Variants in IQGAP2 observed in about 807,000 individuals in gnomAD.
IQGAP2 encodes the protein ras GTPase-activating-like protein IQGAP2.
A neutral mutation model predicts 201.3 loss-of-function variants in IQGAP2; 173 were observed. The ratio of observed to expected loss-of-function variants is 0.86; its 90% CI spans 0.76 to 0.98. IQGAP2 has a LOEUF of 0.98. Among genes scored for constraint, IQGAP2 ranks in the 50% least tolerant of loss-of-function variants. The pLI, the probability that IQGAP2 is intolerant of heterozygous loss-of-function variation, is 0.00. For missense variants in IQGAP2, 1,687 were observed against 1,864.8 expected (o/e 0.90, Z 1.76); for synonymous variants, 675 against 673.9 (o/e 1.00, Z -0.03).
At position 76,611,042 on chromosome 5, in the gene IQGAP2, C is replaced by T. The variant is rs1178618413; in HGVS notation, c.1380C>T (p.Ile460=). ...ENDRVVAVGY[I]NEAIDEGNPL... ...TAGGAGTTGTAGCTGTAGGGTACATCAATGAAGCTATTGATGAAGGGAATC... is the reference window on the plus strand; with the variant it reads ...TAGGAGTTGTAGCTGTAGGGTACATTAATGAAGCTATTGATGAAGGGAATC... Residue 460 remains isoleucine (I), a synonymous_variant, in exon 13 of 36, where the codon ATC becomes ATT. Transcript: ENST00000274364. The T allele has an allele frequency of 6.2e-7, 1 of 1,613,240 alleles. No individual in the cohort carries two copies. Among genetic ancestry groups the T allele is most frequent in the African/African-American group, 1.3e-5 (1 of 74,862 alleles).
At chr5:76,547,117 C>G (rs1432345062) in intron 2 of IQGAP2, among the ~76,000 whole-genome samples, 1 of 152,150 alleles carries the variant, frequency 6.6e-6, no homozygotes, top group Non-Finnish European at 1.5e-5. Context: ...TTTCACTGTG[C>G]TATTACTTCA....
At chr5:76,531,671 T>C (rs1416545314) in intron 2 of IQGAP2, among the ~76,000 whole-genome samples, 1 of 152,232 alleles carries the variant, frequency 6.6e-6, no homozygotes, top group South Asian at 2.1e-4. Flanking sequence ...TAAAAAGAAG[T>C]GCATTTAATT....
chr5:76,567,401 G>A (rs968159807), intron 3 of IQGAP2, among the ~76,000 whole-genome samples: 4 of 152,178 alleles, frequency 2.6e-5, no homozygotes, highest in South Asian at 4.1e-4. Context: ...TCAGAAACTC[G>A]AAACGCTTCT....
chr5:76,410,353 G>C (rs1431365250), intron 1 of IQGAP2, among the ~76,000 whole-genome samples: 2 of 152,168 alleles, frequency 1.3e-5, no homozygotes, highest in Admixed American at 6.5e-5. Context: ...CCTGAGGAGA[G>C]TCACCTGATG....
At chr5:76,693,560 A>G in intron 31 of IQGAP2, 118 bp downstream of exon 31, 3 of 674,806 alleles carry the variant, frequency 4.4e-6, no homozygotes, top group Non-Finnish European at 7.7e-6. Context: ...GGAAGTAAGG[A>G]ATTTTATCTA....
At chr5:76,681,693 A>G (rs1256332568) in intron 28 of IQGAP2, among the ~76,000 whole-genome samples, 1 of 152,148 alleles carries the variant, frequency 6.6e-6, no homozygotes, top group Non-Finnish European at 1.5e-5. Flanking sequence ...GGCACGATCA[A>G]TTAAAAAAAA....
At position 76,677,236 on chromosome 5, in the gene IQGAP2, A is replaced by G. The variant is rs764466065; in HGVS notation, c.3546A>G (p.Ala1182=). Residue 1182 remains alanine, a synonymous_variant, in exon 28 of 36, where the codon GCA becomes GCG. Coordinates refer to ENST00000274364, the MANE Select transcript of IQGAP2 (RefSeq NM_006633.5). The stretch of plus-strand genomic sequence containing the variant: ...TTATTAGGAAATATTTCAAAGAAGC[A>G]TGTAATGTCCCTGAGCCAGAAGAGA... ...YQEFRKYFKE[A]CNVPEPEEKF... 4.8e-5 allele frequency: 78 copies of G among 1,613,374 alleles called. No homozygotes were observed. Among genetic ancestry groups the G allele is most frequent in the Non-Finnish European group, 6.0e-5 (71 of 1,179,604 alleles).
intron 1 of IQGAP2, among the ~76,000 whole-genome samples, chr5:76,432,627 G>A (rs374188752): frequency 5.3e-5 from 8 of 152,336 alleles, no homozygotes; most frequent in African/African-American, 1.9e-4. Context: ...TTAAATTAGT[G>A]TCAGACAAGA....
intron 13 of IQGAP2, chr5:76,618,278 A>T (rs754602911): frequency 4.9e-5 from 79 of 1,614,124 alleles, no homozygotes; most frequent in Non-Finnish European, 6.6e-5. Context: ...GCAATGTAAC[A>T]CAAAAAAGAA....
At chr5:76,522,209 G>A (rs1313650193) in intron 2 of IQGAP2, among the ~76,000 whole-genome samples, 1 of 149,656 alleles carries the variant, frequency 6.7e-6, no homozygotes, top group Admixed American at 6.6e-5. Context: ...TAAAGGCGGA[G>A]TGTTTCTCTG....
intron 25 of IQGAP2, 56 bp downstream of exon 25, chr5:76,673,645 G>A (rs867185146): frequency 1.7e-5 from 27 of 1,572,560 alleles, no homozygotes; most frequent in East Asian, 2.2e-5. Context: ...CTTGGAATAC[G>A]ATGTAAAATA....
At chr5:76,420,483 C>T (rs1751670800) in intron 1 of IQGAP2, among the ~76,000 whole-genome samples, 1 of 150,506 alleles carries the variant, frequency 6.6e-6, no homozygotes, top group Admixed American at 6.7e-5. Flanking sequence ...TCAAGTGATT[C>T]TCCTGCCTCA....
At chr5:76,494,215 G>T (rs756132109) in intron 2 of IQGAP2, among the ~76,000 whole-genome samples, 9 of 152,104 alleles carry the variant, frequency 5.9e-5, no homozygotes, top group Non-Finnish European at 1.0e-4. Flanking sequence ...TTCAAATGAC[G>T]TATTTTCTCT....
intron 15 of IQGAP2, among the ~76,000 whole-genome samples, chr5:76,635,759 G>T (rs1445525974): frequency 7.0e-6 from 1 of 143,512 alleles, no homozygotes; most frequent in African/African-American, 2.6e-5. Flanking sequence ...GCCTGGGGAG[G>T]TTGAGGCTGC....
chr5:76,471,516 C>T (rs1246082409), intron 2 of IQGAP2, among the ~76,000 whole-genome samples: 3 of 152,064 alleles, frequency 2.0e-5, no homozygotes, highest in African/African-American at 7.2e-5. Flanking sequence ...AAACAAAACA[C>T]GGGTGTGATT....
chr5:76,570,603 C>T lies in IQGAP2; in HGVS notation c.327C>T (p.His109=). ...AGAAGTCTGGCCTTCATTTTCGACA[C>T]ACAGATAATACCGTCCAGTGGTTAA... The part of the protein sequence containing the change: ...RYKKSGLHFR[H]TDNTVQWLRA... Residue 109 remains histidine, a synonymous_variant, in exon 4 of 36, where the codon CAC becomes CAT. Transcript: ENST00000274364. The T allele has an allele frequency of 1.2e-6, 2 of 1,613,646 alleles. No individual in the cohort carries two copies. The highest frequency in any genetic ancestry group is 1.7e-6 in the Non-Finnish European group (2 of 1,179,564).
intron 1 of IQGAP2, among the ~76,000 whole-genome samples, chr5:76,409,873 G>A (rs1446130510): frequency 6.6e-6 from 1 of 152,170 alleles, no homozygotes; most frequent in East Asian, 1.9e-4. Context: ...AATGGCAGAA[G>A]CTTTGGAGTT....
chr5:76,579,176 C>T (rs958032098), intron 5 of IQGAP2, among the ~76,000 whole-genome samples: 1 of 152,104 alleles, frequency 6.6e-6, no homozygotes, highest in Non-Finnish European at 1.5e-5. Context: ...CTGTAAGACC[C>T]ATACTACAAG....
chr5:76,622,232 G>C (rs990851185), intron 13 of IQGAP2, among the ~76,000 whole-genome samples: 5 of 151,884 alleles, frequency 3.3e-5, no homozygotes, highest in South Asian at 2.1e-4. Context: ...CGAAAACCTT[G>C]CTTCTTTTGC....
Sources: allele counts gnomAD v4.1 joint callset (sites outside exome capture counted in the v4.1 genomes callset), GRCh38; gene constraint gnomAD v4.1.1; transcripts MANE v1.5; gene names NCBI Gene and HGNC (gene_info 2026-07-23, HGNC 2026-07-21).